Variants in SGCG observed in about 807,000 individuals in gnomAD.
SGCG encodes sarcoglycan gamma.
In SGCG, 26 loss-of-function variants were observed where a neutral mutation model predicts 29.3. The ratio of observed to expected loss-of-function variants is 0.89; its 90% CI spans 0.65 to 1.23. The LOEUF (loss-of-function observed/expected upper bound fraction) is 1.23, where lower values mean the gene tolerates loss of function less well. SGCG is among the 50% of genes most tolerant of loss of function. The pLI, the probability that SGCG is intolerant of heterozygous loss-of-function variation, is 0.00. For synonymous variants in SGCG, 145 were observed against 129.7 expected (o/e 1.12, Z -0.80); for missense variants, 353 against 356.0 (o/e 0.99, Z 0.07).
intron 2 of SGCG, among the ~76,000 whole-genome samples, chr13:23,234,286 C>G (rs559738242): frequency 6.6e-6 from 1 of 152,120 alleles, no homozygotes; most frequent in African/African-American, 2.4e-5. Context: ...ACCTGTACAC[C>G]TCAAAACAAT....
intron 6 of SGCG, among the ~76,000 whole-genome samples, chr13:23,309,616 A>T (rs1351051297): frequency 1.3e-5 from 2 of 152,220 alleles, no homozygotes; most frequent in Non-Finnish European, 2.9e-5. Flanking sequence ...TAAATTTTTT[A>T]AATGAAATTA....
intron 2 of SGCG, among the ~76,000 whole-genome samples, chr13:23,210,271 T>G (rs1376613966): frequency 6.6e-6 from 1 of 152,252 alleles, no homozygotes; most frequent in East Asian, 1.9e-4. Flanking sequence ...TGCATTAATA[T>G]GAGTGATCAT....
At chr13:23,269,371 G>T (rs1229206199) in intron 4 of SGCG, among the ~76,000 whole-genome samples, 1 of 152,302 alleles carries the variant, frequency 6.6e-6, no homozygotes, top group Admixed American at 6.5e-5. Context: ...GCAGTGGGGT[G>T]CATGCATCGT....
At chr13:23,252,103 G>A (rs1879990131) in intron 4 of SGCG, among the ~76,000 whole-genome samples, 1 of 152,114 alleles carries the variant, frequency 6.6e-6, no homozygotes. Flanking sequence ...ATCAGGAGAT[G>A]AACTCCAGTT....
chr13:23,299,435 TATATATATATATATA>T (rs1369437982), intron 6 of SGCG, among the ~76,000 whole-genome samples: 929 of 20,142 alleles, frequency 0.046, 114 homozygotes, highest in South Asian at 0.11. Context: ...TATATATATA[TATATATATATATATA>T]TATATATTTT....
Position 23,279,371 on chromosome 13 carries a change from T to A in SGCG, c.398T>A (p.Val133Glu). Reference sequence around the variant, plus strand: ...TTTAATTCTTCAGGTCCCAAAATGGTAGAAGTCCAGAATCAACAGTTTCAG... The same window carrying A: ...TTTAATTCTTCAGGTCCCAAAATGGAAGAAGTCCAGAATCAACAGTTTCAG... ...TGRLKVGPKMVEVQNQQFQIN... is the reference protein window; with the variant it reads ...TGRLKVGPKMEEVQNQQFQIN... Residue 133 changes from valine to glutamate, a missense_variant, in exon 5 of 8, where the codon GTA becomes GAA. Val to Glu is a moderately radical substitution (Grantham distance 121). Transcript: ENST00000218867. 1 of 1,613,040 alleles carries A rather than the reference T, an allele frequency of 6.2e-7. No individual in the cohort carries two copies. Among genetic ancestry groups the A allele is most frequent in the Non-Finnish European group, 8.5e-7 (1 of 1,179,322 alleles).
Position 23,203,861 on chromosome 13 carries a change from G to A in SGCG, c.167G>A (p.Trp56Ter), listed in dbSNP as rs1351510337. 1.2e-6 allele frequency: 2 copies of A among 1,613,556 alleles called. No individual in the cohort carries two copies. The highest frequency in any genetic ancestry group is 1.7e-6 in the Non-Finnish European group (2 of 1,179,534). Residue 56 changes from tryptophan (W) to a stop codon, truncating the protein, a stop_gained, in exon 2 of 8, where the codon TGG becomes TAG. Transcript: ENST00000218867. LOFTEE classifies it high-confidence loss of function. ...ILVVNLALTI[W>*]ILKVMWFSPA... ...GTTGTGAATTTAGCTCTTACAATTTGGATTCTTAAAGTGATGTGGTTTTCT... is the reference window on the plus strand; with the variant it reads ...GTTGTGAATTTAGCTCTTACAATTTAGATTCTTAAAGTGATGTGGTTTTCT...
At chr13:23,280,514 G>T (rs973781541) in intron 5 of SGCG, among the ~76,000 whole-genome samples, 5 of 152,144 alleles carry the variant, frequency 3.3e-5, no homozygotes, top group Non-Finnish European at 7.3e-5. Context: ...TAATGTATCT[G>T]GTTTTGTTAC....
At chr13:23,185,064 T>C (rs1876915804) in intron 1 of SGCG, among the ~76,000 whole-genome samples, 1 of 152,232 alleles carries the variant, frequency 6.6e-6, no homozygotes, top group Admixed American at 6.5e-5. Context: ...TTGTGGTTTT[T>C]GCAATCTTTT....
In SGCG at chr13:23,220,476, AT is replaced by A. The variant is rs534871547; in HGVS notation, c.196-14134del. Among the ~76,000 whole-genome samples, 189 of 152,322 alleles carry A rather than the reference AT, an allele frequency of 1.2e-3. 1 individual carries two copies. The highest frequency in any genetic ancestry group is 4.3e-3 in the African/African-American group (177 of 41,594). The stretch of plus-strand genomic sequence containing the variant: ...AATAAATAAGTAAATAAACAAAAAA[AT>A]AAATACAAGAATATATTTTTGACTT... On this transcript the variant is annotated intron_variant, in intron 2 of 7. Transcript: ENST00000218867.
intron 5 of SGCG, among the ~76,000 whole-genome samples, chr13:23,283,177 A>T (rs1881371073): frequency 6.6e-6 from 1 of 151,824 alleles, no homozygotes; most frequent in Non-Finnish European, 1.5e-5. Context: ...ATCCTTGTTA[A>T]TTTTCTGTCT....
At chr13:23,248,866 C>T (rs1879840223) in intron 3 of SGCG, among the ~76,000 whole-genome samples, 1 of 151,200 alleles carries the variant, frequency 6.6e-6, no homozygotes, top group Admixed American at 6.6e-5. Flanking sequence ...TGGCGGGCAC[C>T]TGTAGTCCCA....
chr13:23,182,871 C>T (rs1044880700), intron 1 of SGCG, among the ~76,000 whole-genome samples: 6 of 152,166 alleles, frequency 3.9e-5, no homozygotes, highest in African/African-American at 1.4e-4. Flanking sequence ...GAGAGCAGCC[C>T]AGTCACATGG....
At chr13:23,283,124 C>CT (rs1212921202) in intron 5 of SGCG, among the ~76,000 whole-genome samples, 1 of 152,118 alleles carries the variant, frequency 6.6e-6, no homozygotes, top group Admixed American at 6.5e-5. Context: ...CTGTAGATGT[C>CT]TATTAGGTCT....
intron 4 of SGCG, among the ~76,000 whole-genome samples, chr13:23,262,656 C>A (rs1371730155): frequency 6.6e-6 from 1 of 151,806 alleles, no homozygotes; most frequent in East Asian, 1.9e-4. Flanking sequence ...AGAACAAATA[C>A]ACAAAATATA....
chr13:23,209,197 ATTGT>A (rs1878101173), intron 2 of SGCG, among the ~76,000 whole-genome samples: 4 of 152,128 alleles, frequency 2.6e-5, no homozygotes. Flanking sequence ...GTTGATAAGT[ATTGT>A]TTGTTTTAAT....
intron 2 of SGCG, among the ~76,000 whole-genome samples, chr13:23,224,680 A>ACACACACACCCC (rs1433903594): frequency 0.091 from 13,710 of 150,510 alleles, 864 homozygotes; most frequent in East Asian, 0.34. Context: ...ACACACACAC[A>ACACACACACCCC]CCCCACACCA....
At chr13:23,188,480 ATTTTT>A (rs71218545) in intron 1 of SGCG, among the ~76,000 whole-genome samples, 4,110 of 120,440 alleles carry the variant, frequency 0.034, 164 homozygotes, top group East Asian at 0.19. Context: ...CGCCTGCCTA[ATTTTT>A]TTTTTTTTTT....
intron 4 of SGCG, among the ~76,000 whole-genome samples, chr13:23,270,854 T>C (rs1880848707): frequency 6.6e-6 from 1 of 152,210 alleles, no homozygotes; most frequent in East Asian, 1.9e-4. Flanking sequence ...ATGTGAAGTT[T>C]ATTCTTGTGT....
Sources: allele counts gnomAD v4.1 joint callset (sites outside exome capture counted in the v4.1 genomes callset), GRCh38; gene constraint gnomAD v4.1.1; transcripts MANE v1.5; gene names NCBI Gene and HGNC (gene_info 2026-07-23, HGNC 2026-07-21).